Variants in MYO1B observed in about 807,000 individuals in gnomAD.
MYO1B encodes unconventional myosin-Ib.
In MYO1B, 72 loss-of-function variants were observed where a neutral mutation model predicts 159.7. The ratio of observed to expected loss-of-function variants is 0.45; its 90% CI spans 0.37 to 0.55. The LOEUF is 0.55. Among genes scored for constraint, MYO1B ranks in the 20% least tolerant of loss-of-function variants. The probability of loss-of-function intolerance (pLI) is 0.00; values close to 1 mark genes in which losing one functional copy is unlikely to be tolerated. For missense variants in MYO1B, 1,062 were observed against 1,364.8 expected (o/e 0.78, Z 3.50); for synonymous variants, 468 against 473.8 (o/e 0.99, Z 0.16).
At chr2:191,304,710 A>G (rs567903463) in intron 3 of MYO1B, among the ~76,000 whole-genome samples, 64 of 152,312 alleles carry the variant, frequency 4.2e-4, no homozygotes, top group Non-Finnish European at 8.1e-4. Flanking sequence ...ATGCCAGCCT[A>G]ATGTTTTTAT....
intron 7 of MYO1B, among the ~76,000 whole-genome samples, chr2:191,359,087 T>A (rs1447720795): frequency 6.6e-6 from 1 of 152,246 alleles, no homozygotes; most frequent in Non-Finnish European, 1.5e-5. Flanking sequence ...CCATGCCCTG[T>A]GGGTTTTTTC....
Position 191,390,365 on chromosome 2 carries a change from C to G in MYO1B, c.1855C>G (p.Leu619Val). 1 of 1,614,238 alleles carries G rather than the reference C, an allele frequency of 6.2e-7. No individual in the cohort carries two copies. The highest frequency in any genetic ancestry group is 8.5e-7 in the Non-Finnish European group (1 of 1,180,032). The change falls in exon 18 of 31, where the codon CTG becomes GTG. Residue 619 changes from leucine to valine, a missense_variant. Coordinates refer to ENST00000392318, the MANE Select transcript of MYO1B (RefSeq NM_001130158.3). ...TCTAGTGTGTCATCAGATCAGGTAC[C>G]TGGGGCTTTTGGAGAACGTCCGAGT... ...EALVCHQIRY[L>V]GLLENVRVRR...
chr2:191,387,486 G>A (rs1050571256), intron 17 of MYO1B, 36 bp downstream of exon 17: 2 of 1,556,156 alleles, frequency 1.3e-6, no homozygotes, highest in Non-Finnish European at 1.8e-6. Context: ...CAGTTCAAAT[G>A]TGAGAGCACC....
At chr2:191,413,996 TG>T in intron 27 of MYO1B, 51 bp from the exon 28 acceptor site, 1 of 1,541,532 alleles carries the variant, frequency 6.5e-7, no homozygotes, top group Non-Finnish European at 8.7e-7. Context: ...CTTTTTTTAG[TG>T]GTACTTTCAT....
chr2:191,290,088 C>T (rs1688607302), intron 2 of MYO1B, among the ~76,000 whole-genome samples: 1 of 152,190 alleles, frequency 6.6e-6, no homozygotes, highest in Non-Finnish European at 1.5e-5. Flanking sequence ...CTGATTTTGG[C>T]TGTTGATTAT....
intron 30 of MYO1B, among the ~76,000 whole-genome samples, chr2:191,421,139 G>T (rs548642881): frequency 1.3e-5 from 2 of 150,430 alleles, no homozygotes; most frequent in African/African-American, 4.9e-5. Flanking sequence ...GCGAGATCTC[G>T]GCTCACTGCA....
Position 191,356,353 on chromosome 2 carries a change from TTTTTGAG to T in MYO1B, c.563-4259_563-4253del, listed in dbSNP as rs1203610965. Among the ~76,000 whole-genome samples the T allele has an allele frequency of 1.9e-4, 28 of 150,696 alleles. No individual in the cohort carries two copies. The South Asian group carries it at 2.5e-3, about 14-fold the overall frequency. On this transcript the variant is annotated intron_variant, in intron 7 of 30. Coordinates refer to ENST00000392318, the MANE Select transcript of MYO1B (RefSeq NM_001130158.3). ...GCTGGGCTTCTTTTTTTTTTTTTTT[TTTTTGAG>T]TTTTGAGTTTTGAGTTTTAAAGCTC...
At chr2:191,332,043 A>G (rs1691516012) in intron 4 of MYO1B, among the ~76,000 whole-genome samples, 1 of 152,156 alleles carries the variant, frequency 6.6e-6, no homozygotes. Context: ...GCTCACTGCA[A>G]CCTCCACCCT....
intron 29 of MYO1B, 121 bp downstream of exon 29, chr2:191,414,790 A>C (rs537462634): frequency 1.0e-6 from 1 of 976,020 alleles, no homozygotes; most frequent in African/African-American, 1.7e-5. Flanking sequence ...AATTTTGGAT[A>C]TTCACCCCTA....
chr2:191,372,572 A>G (rs1243755378), intron 13 of MYO1B, among the ~76,000 whole-genome samples: 1 of 152,216 alleles, frequency 6.6e-6, no homozygotes, highest in Non-Finnish European at 1.5e-5. Flanking sequence ...TGGCTGCCAG[A>G]GGATGTATCC....
Position 191,392,211 on chromosome 2 carries a change from G to T in MYO1B, c.2076+10G>T, listed in dbSNP as rs375447967. Reference sequence around the variant, plus strand: ...CCGAAACCCAAGAACAGTATGTAACGAAAACCTTTACACTCTGAACTTAAG... The same window carrying T: ...CCGAAACCCAAGAACAGTATGTAACTAAAACCTTTACACTCTGAACTTAAG... On this transcript the variant is annotated intron_variant, in intron 19 of 30. Coordinates refer to ENST00000392318, the MANE Select transcript of MYO1B (RefSeq NM_001130158.3). The T allele has an allele frequency of 1.0e-5, 16 of 1,582,108 alleles. No homozygotes were observed. Among genetic ancestry groups the T allele is most frequent in the Non-Finnish European group, 1.4e-5 (16 of 1,155,800 alleles).
intron 3 of MYO1B, among the ~76,000 whole-genome samples, chr2:191,323,533 T>C (rs1690861037): frequency 6.6e-6 from 1 of 152,186 alleles, no homozygotes; most frequent in African/African-American, 2.4e-5. Context: ...AAGTATATTT[T>C]TGAGTGACCC....
intron 3 of MYO1B, among the ~76,000 whole-genome samples, chr2:191,312,290 T>C (rs1268640758): frequency 1.3e-5 from 2 of 152,202 alleles, no homozygotes; most frequent in African/African-American, 4.8e-5. Context: ...TCCCACTGTT[T>C]GCTTCATTTC....
intron 2 of MYO1B, among the ~76,000 whole-genome samples, chr2:191,292,209 CA>C: frequency 6.6e-6 from 1 of 152,170 alleles, no homozygotes; most frequent in Admixed American, 6.5e-5. Context: ...TCCTGCTTGG[CA>C]CCATTTTTAG....
intron 5 of MYO1B, among the ~76,000 whole-genome samples, chr2:191,342,205 T>C (rs1692267478): frequency 6.6e-6 from 1 of 152,198 alleles, no homozygotes; most frequent in Non-Finnish European, 1.5e-5. Flanking sequence ...TGCTGTATGC[T>C]CACTTGACCT....
intron 6 of MYO1B, among the ~76,000 whole-genome samples, chr2:191,347,315 G>A (rs921359091): frequency 6.6e-6 from 1 of 152,172 alleles, no homozygotes; most frequent in Non-Finnish European, 1.5e-5. Flanking sequence ...CATCAGATTA[G>A]CCCCTTAAGT....
intron 15 of MYO1B, among the ~76,000 whole-genome samples, chr2:191,385,170 A>G (rs1021253815): frequency 1.3e-5 from 2 of 152,190 alleles, no homozygotes; most frequent in Non-Finnish European, 2.9e-5. Context: ...CTGACTTCTG[A>G]TTCAGTTTAG....
intron 30 of MYO1B, among the ~76,000 whole-genome samples, chr2:191,417,497 TTCTCACTCACCATGGGA>T (rs1333717028): frequency 6.6e-6 from 1 of 152,198 alleles, no homozygotes; most frequent in Non-Finnish European, 1.5e-5. Flanking sequence ...GGGCTGCTAA[TTCTCACTCACCATGGGA>T]AGATCGTATG....
At chr2:191,384,856 G>C (rs1351178564) in intron 15 of MYO1B, among the ~76,000 whole-genome samples, 2 of 152,106 alleles carry the variant, frequency 1.3e-5, no homozygotes, top group African/African-American at 4.8e-5. Flanking sequence ...TAGGAACCTG[G>C]GTATATAAAG....
Sources: allele counts gnomAD v4.1 joint callset (sites outside exome capture counted in the v4.1 genomes callset), GRCh38; gene constraint gnomAD v4.1.1; transcripts MANE v1.5; gene names NCBI Gene and HGNC (gene_info 2026-07-23, HGNC 2026-07-21).